Variants in MAF observed in about 807,000 individuals in gnomAD.
MAF encodes the protein MAF bZIP transcription factor, also known as transcription factor Maf.
A neutral mutation model predicts 22.0 loss-of-function variants in MAF; 10 were observed. The observed-to-expected ratio is 0.45, with a 90% CI of 0.28 to 0.77. The LOEUF (loss-of-function observed/expected upper bound fraction) is 0.77, where lower values mean the gene tolerates loss of function less well. Ranked by LOEUF, MAF falls within the 30% of genes least tolerant of loss-of-function variation. The pLI is 0.12. For synonymous variants in MAF, 337 were observed against 255.8 expected (o/e 1.32, Z -3.03); for missense variants, 544 against 548.4 (o/e 0.99, Z 0.08).
chr16:79,276,286 G>C, the MAF span, among the ~76,000 whole-genome samples: 3 of 152,298 alleles, frequency 2.0e-5, no homozygotes, highest in East Asian at 1.9e-4. Context: ...TGACCCTTTA[G>C]ACTGGTCTAA....
chr16:79,494,507 A>C, the MAF span, among the ~76,000 whole-genome samples: 1 of 152,266 alleles, frequency 6.6e-6, no homozygotes, highest in South Asian at 2.1e-4. Flanking sequence ...CCACTTTTAA[A>C]GACTCATGTG....
At chr16:79,493,268 T>C in the MAF span, among the ~76,000 whole-genome samples, 1 of 152,128 alleles carries the variant, frequency 6.6e-6, no homozygotes, top group Admixed American at 6.6e-5. Context: ...CTACAACCTT[T>C]GCCTCCTGGG....
chr16:79,275,346 C>CA, the MAF span, among the ~76,000 whole-genome samples: 1 of 151,696 alleles, frequency 6.6e-6, no homozygotes, highest in African/African-American at 2.4e-5. Context: ...AATCCATCTC[C>CA]AAAAAAAGAG....
At chr16:79,372,970 A>G in the MAF span, among the ~76,000 whole-genome samples, 2 of 152,184 alleles carry the variant, frequency 1.3e-5, no homozygotes, top group Admixed American at 1.3e-4. Flanking sequence ...GATCTCTGCT[A>G]GAGAGTCCTT....
chr16:79,243,958 A>G, the MAF span, among the ~76,000 whole-genome samples: 18 of 152,076 alleles, frequency 1.2e-4, no homozygotes, highest in African/African-American at 3.9e-4. Context: ...AAAACCAATG[A>G]AAAAAACCAC....
chr16:79,561,586 G>A, the MAF span, among the ~76,000 whole-genome samples: 23 of 151,640 alleles, frequency 1.5e-4, no homozygotes, highest in Non-Finnish European at 2.5e-4. Flanking sequence ...TTGTCCTTGC[G>A]ATAGTTTGCT....
the MAF span, among the ~76,000 whole-genome samples, chr16:79,213,493 G>A: frequency 2.6e-5 from 4 of 152,204 alleles, no homozygotes; most frequent in Admixed American, 2.0e-4. Context: ...CACCTGGAGG[G>A]GATCACCCCT....
the MAF span, among the ~76,000 whole-genome samples, chr16:79,310,238 C>T: frequency 6.6e-6 from 1 of 152,214 alleles, no homozygotes; most frequent in East Asian, 1.9e-4. Context: ...AATGCCCTCA[C>T]GGTCTCATTT....
At chr16:79,232,618 G>A in the MAF span, among the ~76,000 whole-genome samples, 1,598 of 152,012 alleles carry the variant, frequency 0.011, 26 homozygotes, top group Non-Finnish European at 0.015. Context: ...CATGGCACAT[G>A]GACAGTGTGT....
At chr16:79,582,770 C>T (rs1049746983), downstream of MAF, among the ~76,000 whole-genome samples, 4 of 152,346 alleles carry the variant, frequency 2.6e-5, no homozygotes, top group South Asian at 8.3e-4. Flanking sequence ...AAGACATACT[C>T]GTCGAATTTG....
chr16:79,216,368 C>T, the MAF span, among the ~76,000 whole-genome samples: 1 of 152,096 alleles, frequency 6.6e-6, no homozygotes, highest in African/African-American at 2.4e-5. Context: ...TGTGTATATT[C>T]ACATATATGT....
chr16:79,318,971 TGA>T, the MAF span, among the ~76,000 whole-genome samples: 1 of 150,698 alleles, frequency 6.6e-6, no homozygotes, highest in Non-Finnish European at 1.5e-5. Flanking sequence ...ACACACAAAT[TGA>T]GAGGCAAAAA....
At chr16:79,361,742 G>C in the MAF span, among the ~76,000 whole-genome samples, 4 of 151,746 alleles carry the variant, frequency 2.6e-5, no homozygotes, top group African/African-American at 9.7e-5. Context: ...CCAAGGTGAA[G>C]TTCGGTGCTG....
At chr16:79,596,325 C>A in intron 1 of MAF, 1 of 1,059,726 alleles carries the variant, frequency 9.4e-7, no homozygotes, top group South Asian at 4.6e-5. Context: ...TGGGGCCAGC[C>A]TCCTCACTTC....
chr16:79,224,844 T>C, the MAF span, among the ~76,000 whole-genome samples: 1 of 152,112 alleles, frequency 6.6e-6, no homozygotes, highest in African/African-American at 2.4e-5. Context: ...TACAAACCAC[T>C]GCTCAAGGAA....
chr16:79,502,609 T>C, the MAF span, among the ~76,000 whole-genome samples: 4 of 150,400 alleles, frequency 2.7e-5, no homozygotes. Context: ...GAGGTTGCAG[T>C]GAGCTGAGAT....
At chr16:79,471,300 C>T in the MAF span, among the ~76,000 whole-genome samples, 1 of 152,352 alleles carries the variant, frequency 6.6e-6, no homozygotes, top group Admixed American at 6.5e-5. Context: ...AAGAGCACGA[C>T]AGAACCCTCA....
the MAF span, among the ~76,000 whole-genome samples, chr16:79,322,377 A>C: frequency 1.3e-5 from 2 of 152,222 alleles, no homozygotes; most frequent in Middle Eastern, 3.4e-3. Context: ...TGACTGGGTC[A>C]CTCTGTGGAT....
the MAF span, among the ~76,000 whole-genome samples, chr16:79,403,016 G>C: frequency 3.3e-5 from 5 of 152,186 alleles, no homozygotes; most frequent in African/African-American, 1.2e-4. Flanking sequence ...GTTGTGAGCA[G>C]ACCTGGGTGA....
Sources: allele counts gnomAD v4.1 joint callset (sites outside exome capture counted in the v4.1 genomes callset), GRCh38; gene constraint gnomAD v4.1.1; transcripts MANE v1.5; gene names NCBI Gene and HGNC (gene_info 2026-07-23, HGNC 2026-07-21).